Variants in STIM1 observed in about 807,000 individuals in gnomAD.
STIM1 encodes stromal interaction molecule 1.
A neutral mutation model predicts 74.7 loss-of-function variants in STIM1; 25 were observed. The ratio of observed to expected loss-of-function variants is 0.33; its 90% CI spans 0.24 to 0.47. The LOEUF (loss-of-function observed/expected upper bound fraction) is 0.47, where lower values mean the gene tolerates loss of function less well. Among genes scored for constraint, STIM1 ranks in the 20% least tolerant of loss-of-function variants. The pLI, the probability that STIM1 is intolerant of heterozygous loss-of-function variation, is 1.00. For missense variants in STIM1, 728 were observed against 920.8 expected (o/e 0.79, Z 2.71); for synonymous variants, 328 against 348.8 (o/e 0.94, Z 0.66).
At position 4,055,590 on chromosome 11, in the gene STIM1, T is replaced by C. The variant is rs768689027; in HGVS notation, c.450T>C (p.Tyr150=). ...TCACATATGTGGAGCTGCCTCAGTA[T>C]GAGGAGACCTTCCGGAAGCTGCAGC... The part of the protein sequence containing the change: ...WLITYVELPQ[Y]EETFRKLQLS... The change falls in exon 4 of 13, where the codon TAT becomes TAC. Residue 150 remains tyrosine, a synonymous_variant. Transcript: ENST00000526596. 5.0e-6 allele frequency: 8 copies of C among 1,600,086 alleles called. No homozygotes were observed. Among genetic ancestry groups the C allele is most frequent in the Non-Finnish European group, 2.6e-6 (3 of 1,174,448 alleles).
chr11:3,989,533 G>GCTGC (rs2093589529), intron 2 of STIM1: 2 of 581,956 alleles, frequency 3.4e-6, no homozygotes, highest in South Asian at 1.6e-5. Context: ...GCGAAGCTGG[G>GCTGC]CTGCCTGGTC....
intron 1 of STIM1, among the ~76,000 whole-genome samples, chr11:3,966,608 G>A (rs2093342885): frequency 6.6e-6 from 1 of 152,114 alleles, no homozygotes; most frequent in Non-Finnish European, 1.5e-5. Context: ...TCGAGATCCA[G>A]GTCAAAAGGA....
At chr11:3,861,297 G>A (rs1180283913) in intron 1 of STIM1, among the ~76,000 whole-genome samples, 4 of 150,390 alleles carry the variant, frequency 2.7e-5, no homozygotes, top group Admixed American at 6.7e-5. Context: ...GCAGTGGCCC[G>A]ATCTCAGCTC....
chr11:3,943,988 A>AT (rs925375633), intron 1 of STIM1, among the ~76,000 whole-genome samples: 54 of 151,140 alleles, frequency 3.6e-4, no homozygotes, highest in Middle Eastern at 6.8e-3. Flanking sequence ...GAAGGCAGAG[A>AT]TTTTTTTTTT....
intron 5 of STIM1, among the ~76,000 whole-genome samples, chr11:4,063,609 A>G (rs554094388): frequency 1.3e-5 from 2 of 152,334 alleles, no homozygotes; most frequent in South Asian, 2.1e-4. Context: ...CTTTATTGCT[A>G]TATTAGCTTT....
intron 1 of STIM1, among the ~76,000 whole-genome samples, chr11:3,913,744 A>G (rs570013384): frequency 6.6e-6 from 1 of 152,224 alleles, no homozygotes; most frequent in African/African-American, 2.4e-5. Flanking sequence ...GCACCAAAAC[A>G]TTTCTGTCAT....
At chr11:4,004,703 A>G (rs1251754722) in intron 2 of STIM1, among the ~76,000 whole-genome samples, 1 of 151,490 alleles carries the variant, frequency 6.6e-6, no homozygotes, top group Non-Finnish European at 1.5e-5. Flanking sequence ...AAAACACCAA[A>G]AGCAATGGCA....
chr11:4,073,775 C>A (rs1206619530), intron 6 of STIM1, among the ~76,000 whole-genome samples: 1 of 152,140 alleles, frequency 6.6e-6, no homozygotes, highest in Non-Finnish European at 1.5e-5. Context: ...AGATCTTATC[C>A]ACTAAGGAAG....
chr11:4,060,634 C>T (rs2094324264), intron 5 of STIM1, among the ~76,000 whole-genome samples: 2 of 152,088 alleles, frequency 1.3e-5, no homozygotes, highest in African/African-American at 2.4e-5. Context: ...TTATGTAAGG[C>T]GTAGTCTCTG....
intron 1 of STIM1, among the ~76,000 whole-genome samples, chr11:3,904,303 G>A (rs2092422762): frequency 6.6e-6 from 1 of 151,686 alleles, no homozygotes. Flanking sequence ...GACCAGGGTT[G>A]TGCCAGACAG....
chr11:3,962,099 G>T (rs548029595), intron 1 of STIM1, among the ~76,000 whole-genome samples: 2 of 152,196 alleles, frequency 1.3e-5, no homozygotes, highest in East Asian at 3.9e-4. Context: ...ATAGATTTAG[G>T]GGGTACAAAT....
chr11:3,956,611 A>G (rs1029536879), intron 1 of STIM1, among the ~76,000 whole-genome samples: 2 of 152,130 alleles, frequency 1.3e-5, no homozygotes, highest in Non-Finnish European at 2.9e-5. Context: ...ACTTTAGGAA[A>G]GAGTGTAGTA....
intron 3 of STIM1, among the ~76,000 whole-genome samples, chr11:4,024,585 T>A (rs1422059469): frequency 1.3e-5 from 2 of 152,208 alleles, no homozygotes; most frequent in Non-Finnish European, 2.9e-5. Context: ...GTTTCTTAGA[T>A]CCTATAGTTG....
At chr11:4,085,808 A>G (rs1294266901) in intron 11 of STIM1, among the ~76,000 whole-genome samples, 2 of 152,274 alleles carry the variant, frequency 1.3e-5, no homozygotes, top group East Asian at 3.9e-4. Context: ...CCTGGTTTCA[A>G]CCTCTAGTGT....
chr11:3,967,892 T>G (rs1254301364), intron 2 of STIM1, among the ~76,000 whole-genome samples: 1 of 152,200 alleles, frequency 6.6e-6, no homozygotes, highest in East Asian at 1.9e-4. Context: ...TGTCTGTGCC[T>G]GGGCTGGCTG....
chr11:4,000,524 T>G (rs2135903511), intron 2 of STIM1, among the ~76,000 whole-genome samples: 1 of 151,862 alleles, frequency 6.6e-6, no homozygotes, highest in East Asian at 1.9e-4. Context: ...CAGCTGAGGG[T>G]CCTGTCTGTT....
intron 3 of STIM1, among the ~76,000 whole-genome samples, chr11:4,035,488 A>G (rs991654584): frequency 6.6e-6 from 1 of 151,860 alleles, no homozygotes; most frequent in Non-Finnish European, 1.5e-5. Context: ...CCTTAGATCC[A>G]TCCGTTATTG....
At chr11:3,884,826 G>A (rs1237142986) in intron 1 of STIM1, among the ~76,000 whole-genome samples, 1 of 151,686 alleles carries the variant, frequency 6.6e-6, no homozygotes, top group Non-Finnish European at 1.5e-5. Context: ...ATCTTATTTA[G>A]CCATTAAATG....
chr11:3,974,491 C>T (rs1397999562), intron 2 of STIM1, among the ~76,000 whole-genome samples: 1 of 129,476 alleles, frequency 7.7e-6, no homozygotes, highest in Non-Finnish European at 1.6e-5. Context: ...GCCTGGACAA[C>T]ATAGGGAGAC....
Sources: allele counts gnomAD v4.1 joint callset (sites outside exome capture counted in the v4.1 genomes callset), GRCh38; gene constraint gnomAD v4.1.1; transcripts MANE v1.5; gene names NCBI Gene and HGNC (gene_info 2026-07-23, HGNC 2026-07-21).